The following DYNC2H1 variants were observed in gnomAD, a reference collection of about 807,000 sequenced individuals.
DYNC2H1 encodes the protein dynein cytoplasmic 2 heavy chain 1, also known as cytoplasmic dynein 2 heavy chain 1.
DYNC2H1 carries 410 observed loss-of-function variants against 570.0 expected under a neutral mutation model. That is an observed-to-expected ratio of 0.72 (90% CI 0.66 to 0.78). The LOEUF (loss-of-function observed/expected upper bound fraction) is 0.78. DYNC2H1 is among the 30% of genes least tolerant of loss of function. The pLI is 0.00. For synonymous variants in DYNC2H1, 1,688 were observed against 1,677.6 expected, an observed-to-expected ratio of 1.01 and a Z score of -0.15; for missense variants, 4,865 against 5,046.4, an observed-to-expected ratio of 0.96 and a Z score of 1.09.
intron 52 of DYNC2H1, among the ~76,000 whole-genome samples, chr11:103,208,400 G>A (rs1423337536): frequency 6.6e-6 from 1 of 152,100 alleles, no homozygotes; most frequent in East Asian, 1.9e-4. Flanking sequence ...ACTGAATTTA[G>A]GGAGCTTAGT....
intron 78 of DYNC2H1, among the ~76,000 whole-genome samples, chr11:103,308,050 CACAT>C (rs746615446): frequency 1.5e-4 from 23 of 152,062 alleles, no homozygotes; most frequent in Non-Finnish European, 3.1e-4. Flanking sequence ...TGGTAAGAAA[CACAT>C]AACATGACAT....
At chr11:103,423,639 T>C (rs1943566559) in intron 84 of DYNC2H1, among the ~76,000 whole-genome samples, 2 of 151,806 alleles carry the variant, frequency 1.3e-5, no homozygotes, top group East Asian at 3.9e-4. Flanking sequence ...AAGACACTTA[T>C]AAAAATGAAA....
chr11:103,293,144 G>A (rs1866681197), intron 75 of DYNC2H1, among the ~76,000 whole-genome samples: 1 of 152,028 alleles, frequency 6.6e-6, no homozygotes, highest in South Asian at 2.1e-4. Flanking sequence ...GCCTGGGAAA[G>A]TTTTTATTTC....
At chr11:103,392,675 C>T (rs1942212537) in intron 83 of DYNC2H1, among the ~76,000 whole-genome samples, 1 of 152,002 alleles carries the variant, frequency 6.6e-6, no homozygotes, top group African/African-American at 2.4e-5. Flanking sequence ...ACATAAACCA[C>T]ACCAAAAGGC....
At chr11:103,419,956 A>G (rs1331490603) in intron 84 of DYNC2H1, among the ~76,000 whole-genome samples, 1 of 152,150 alleles carries the variant, frequency 6.6e-6, no homozygotes, top group Non-Finnish European at 1.5e-5. Flanking sequence ...CCTGATGAAG[A>G]TGAAAAACAC....
intron 82 of DYNC2H1, among the ~76,000 whole-genome samples, chr11:103,339,609 C>G (rs1172657292): frequency 6.6e-6 from 1 of 151,874 alleles, no homozygotes; most frequent in African/African-American, 2.4e-5. Flanking sequence ...TGGAAGGAGT[C>G]TCTGCACTGC....
At chr11:103,144,129 T>G (rs1384330067) in intron 18 of DYNC2H1, among the ~76,000 whole-genome samples, 3 of 152,114 alleles carry the variant, frequency 2.0e-5, no homozygotes, top group Non-Finnish European at 4.4e-5. Flanking sequence ...ACAAATATAT[T>G]TGATGATTAA....
At chr11:103,457,722 G>T (rs1944846454) in intron 87 of DYNC2H1, among the ~76,000 whole-genome samples, 2 of 152,094 alleles carry the variant, frequency 1.3e-5, no homozygotes, top group South Asian at 4.1e-4. Flanking sequence ...TGATCCTTCT[G>T]CCTTGGCCTC....
chr11:103,276,627 TG>T (rs1282746439), intron 70 of DYNC2H1, among the ~76,000 whole-genome samples: 1 of 152,132 alleles, frequency 6.6e-6, no homozygotes, highest in African/African-American at 2.4e-5. Flanking sequence ...ATTAAAATTT[TG>T]CTATTTTAAT....
intron 17 of DYNC2H1, among the ~76,000 whole-genome samples, chr11:103,142,188 C>T (rs61898613): frequency 0.088 from 13,424 of 152,288 alleles, 776 homozygotes; most frequent in Non-Finnish European, 0.12. Flanking sequence ...CGCCCTGCTT[C>T]GGCTCACGCA....
At position 103,250,701 on chromosome 11, in the gene DYNC2H1, C is replaced by CT. The variant is rs1463093656; in HGVS notation, c.10043-2578dup. 2.6e-5 allele frequency among the ~76,000 whole-genome samples: 4 copies of CT among 152,070 alleles called. No individual in the cohort carries two copies. The South Asian group carries it at 6.2e-4, about 24-fold the overall frequency. ...AAAATCAAAATATTGATAGTCTTTT[C>CT]TTTTTTCTAATATATGCATTTATGT... is the stretch of plus-strand genomic sequence containing the variant. On this transcript the variant is annotated intron_variant, in intron 65 of 88. Transcript: ENST00000375735.
intron 54 of DYNC2H1, 47 bp downstream of exon 54, chr11:103,211,990 A>G (rs1000667852): frequency 2.2e-5 from 31 of 1,387,718 alleles, no homozygotes; most frequent in Non-Finnish European, 2.8e-5. Context: ...TATAGGAAAC[A>G]AGAGTTTTGT....
chr11:103,358,558 C>A (rs1230129221), intron 83 of DYNC2H1, among the ~76,000 whole-genome samples, 199 bp downstream of exon 83: 1 of 152,150 alleles, frequency 6.6e-6, no homozygotes, highest in Non-Finnish European at 1.5e-5. Flanking sequence ...TGAAATAGAT[C>A]TTTCCTTATC....
chr11:103,419,763 A>C (rs1281609193), intron 84 of DYNC2H1, among the ~76,000 whole-genome samples: 1 of 152,166 alleles, frequency 6.6e-6, no homozygotes, highest in Non-Finnish European at 1.5e-5. Flanking sequence ...CTGCAAGGGC[A>C]CAGAACTGGG....
chr11:103,128,690 A>T (rs1859119011), intron 12 of DYNC2H1, among the ~76,000 whole-genome samples: 1 of 152,182 alleles, frequency 6.6e-6, no homozygotes, highest in Non-Finnish European at 1.5e-5. Context: ...TCTATGTTTA[A>T]TCAGACCTCA....
At chr11:103,392,568 T>C (rs970268227) in intron 83 of DYNC2H1, among the ~76,000 whole-genome samples, 2 of 152,232 alleles carry the variant, frequency 1.3e-5, no homozygotes. Flanking sequence ...TTTCGTCTTC[T>C]GCGTCGCTCA....
At chr11:103,440,106 C>T (rs1473029863) in intron 85 of DYNC2H1, among the ~76,000 whole-genome samples, 2 of 152,054 alleles carry the variant, frequency 1.3e-5, no homozygotes, top group Non-Finnish European at 1.5e-5. Flanking sequence ...TAGTTGGATC[C>T]CTTGACCGTA....
intron 87 of DYNC2H1, among the ~76,000 whole-genome samples, chr11:103,459,536 G>A (rs1335256083): frequency 6.6e-6 from 1 of 152,038 alleles, no homozygotes; most frequent in Non-Finnish European, 1.5e-5. Flanking sequence ...TAATAGGAGA[G>A]GCACTGTAGT....
intron 84 of DYNC2H1, among the ~76,000 whole-genome samples, chr11:103,423,729 C>T (rs1943573162): frequency 6.6e-6 from 1 of 151,600 alleles, no homozygotes; most frequent in South Asian, 2.1e-4. Flanking sequence ...TTTCAAAAAA[C>T]TCAATAAACA....
Sources: allele counts gnomAD v4.1 joint callset (sites outside exome capture counted in the v4.1 genomes callset), GRCh38; gene constraint gnomAD v4.1.1; transcripts MANE v1.5; gene names NCBI Gene and HGNC (gene_info 2026-07-23, HGNC 2026-07-21).